Variants in TMEM107 observed in about 807,000 individuals in gnomAD.
The protein encoded by TMEM107 is transmembrane protein 107.
Under a neutral mutation model 16.8 loss-of-function variants are expected in TMEM107, and 18 were observed. That is an observed-to-expected ratio of 1.07 (90% CI 0.74 to 1.59). TMEM107 has a LOEUF of 1.59. Among genes scored for constraint, TMEM107 ranks in the 40% most tolerant of loss-of-function variants. The pLI is 0.00. For synonymous variants in TMEM107, 68 were observed against 71.6 expected, an observed-to-expected ratio of 0.95 and a Z score of 0.25; for missense variants, 152 against 175.4, an observed-to-expected ratio of 0.87 and a Z score of 0.75.
Position 8,173,181 on chromosome 17 carries a change from A to C in TMEM107, c.*1022T>G, listed in dbSNP as rs977336042. The C allele has an allele frequency of 7.1e-5, 26 of 368,410 alleles. No homozygotes were observed. The highest frequency in any genetic ancestry group is 2.9e-4 in the African/African-American group (14 of 48,030). The allele number at this position is 368,410 out of a possible 1,614,324, so 22.8% of individuals were successfully genotyped here. A position where few individuals can be genotyped will look rare whatever the true frequency, so the allele number is the denominator to read the frequency against. ...GACTGCAGATATTTACTGATGTGCA[A>C]TGTTTCCTGAGAAGTGAGGATTAAA... On this transcript the variant is annotated 3_prime_UTR_variant, in exon 5 of 5. Transcript: ENST00000437139.
intron 3 of TMEM107, 84 bp from the exon 4 acceptor site, chr17:8,174,700 T>C: frequency 8.5e-7 from 1 of 1,177,658 alleles, no homozygotes; most frequent in Non-Finnish European, 1.3e-6. Context: ...GGCTGGCATC[T>C]GCATTCAGGT....
In TMEM107 at chr17:8,176,160, A is replaced by G. The variant is rs751786113; in HGVS notation, c.87+40T>C. 9 of 1,606,432 alleles carry G rather than the reference A, an allele frequency of 5.6e-6. No homozygotes were observed. In the African/African-American group the frequency reaches 9.4e-5, roughly 17 times the overall value. ...AGGGTAGGACTAGGACCACTCAGAG[A>G]TGGGAATGGGGACGGATTGAGTGCA... On this transcript the variant is annotated intron_variant, in intron 1 of 4. Coordinates refer to ENST00000437139, the MANE Select transcript of TMEM107 (RefSeq NM_183065.4).
rs377665716 is a variant in TMEM107, at chr17:8,173,440, G to C, written c.*763C>G. ...TAATCAGCATAACACAAATGTAAGT[G>C]ATCGTCAGAAAGAATCAGACAGGAG... On this transcript the variant is annotated 3_prime_UTR_variant, in exon 5 of 5. Transcript: ENST00000437139. 15 of 761,194 alleles carry C rather than the reference G, an allele frequency of 2.0e-5. No homozygotes were observed. Among genetic ancestry groups the C allele is most frequent in the Admixed American group, 3.4e-5 (2 of 58,822 alleles). The allele number at this position is 761,194 out of a possible 1,614,324, so 47.2% of individuals were successfully genotyped here.
Position 8,175,716 on chromosome 17 carries a change from A to T in TMEM107, c.256+41T>A. ...AGGTGGCTGAAGGGAGTCCTGATAG[A>T]AGTGGGTCGTGTGGGAAAGGTGGGC... On this transcript the variant is annotated intron_variant, in intron 3 of 4. Coordinates refer to ENST00000437139, the MANE Select transcript of TMEM107 (RefSeq NM_183065.4). 5 of 1,534,318 alleles carry T rather than the reference A, an allele frequency of 3.3e-6. No individual in the cohort carries two copies. The South Asian group carries it at 3.4e-5, about 10-fold the overall frequency.
intron 3 of TMEM107, 56 bp downstream of exon 3, chr17:8,175,701 A>T: frequency 7.2e-7 from 1 of 1,392,614 alleles, no homozygotes; most frequent in Non-Finnish European, 1.0e-6. Flanking sequence ...AGGTGGCTGA[A>T]GGGAGTCCTG....
In TMEM107 at chr17:8,173,660, G is replaced by A. The variant is rs2151870219; in HGVS notation, c.*543C>T. 2.9e-6 allele frequency: 2 copies of A among 698,486 alleles called. No homozygotes were observed. Among genetic ancestry groups the A allele is most frequent in the East Asian group, 2.5e-5 (1 of 39,510 alleles). The allele number at this position is 698,486 out of a possible 1,614,324, so 43.3% of individuals were successfully genotyped here. On this transcript the variant is annotated 3_prime_UTR_variant, in exon 5 of 5. Transcript: ENST00000437139. ...ACAAGCTAGGGTGAGTTCATAACGC[G>A]CTGGTATGAGCAATCCTATTATTTA...
In TMEM107 at chr17:8,173,732, AT is replaced by A. The variant is rs200315277; in HGVS notation, c.*470del. 1.3e-4 allele frequency: 72 copies of A among 547,166 alleles called. No homozygotes were observed. The highest frequency in any genetic ancestry group is 8.5e-4 in the South Asian group (35 of 41,242). The allele number at this position is 547,166 out of a possible 1,614,324, so 33.9% of individuals were successfully genotyped here. On this transcript the variant is annotated 3_prime_UTR_variant, in exon 5 of 5. Transcript: ENST00000437139. ...CATATTAGCTCGCACATTTTTTTAA[AT>A]TTTTTTTTCATTCGGCTGCCGAAAA...
In TMEM107 at chr17:8,173,402, T is replaced by G. The variant is rs201709130; in HGVS notation, c.*801A>C. On this transcript the variant is annotated 3_prime_UTR_variant, in exon 5 of 5. Transcript: ENST00000437139. ...CCAGTCAGAACTTCATAGCTATGTT[T>G]GTGGATATCTGCTAATCAGCATAAC... 4.0e-5 allele frequency: 29 copies of G among 723,748 alleles called. No individual in the cohort carries two copies. Among genetic ancestry groups the G allele is most frequent in the Admixed American group, 7.2e-5 (4 of 55,810 alleles). The allele number at this position is 723,748 out of a possible 1,614,324, so 44.8% of individuals were successfully genotyped here.
Position 8,172,877 on chromosome 17 carries a change from C to A in TMEM107, c.*1326G>T, listed in dbSNP as rs9893475. Among the ~76,000 whole-genome samples the A allele has an allele frequency of 0.42, 42,707 of 102,104 alleles. 9,994 individuals are homozygous for A. The highest frequency in any genetic ancestry group is 0.54 in the Non-Finnish European group (28,188 of 52,654). 67.0% of individuals were successfully genotyped at this position (102,104 alleles called of 152,430 possible). On this transcript the variant is annotated 3_prime_UTR_variant, in exon 5 of 5. Transcript: ENST00000437139. ...TCTCAAAAAAAAAAAAAAAAAAAAC[C>A]AAAAGAGGGGGGTGGTCAACATACC... is the stretch of plus-strand genomic sequence containing the variant.
rs1279145285 is a variant in TMEM107, at chr17:8,173,377, CCAGTCAGAACTTCA to C, written c.*812_*825del. 1.5e-5 allele frequency: 10 copies of C among 667,942 alleles called. No homozygotes were observed. Among genetic ancestry groups the C allele is most frequent in the Non-Finnish European group, 2.8e-5 (10 of 361,072 alleles). 41.4% of individuals were successfully genotyped at this position (667,942 alleles called of 1,614,324 possible). A position where few individuals can be genotyped will look rare whatever the true frequency, so the allele number is the denominator to read the frequency against. ...AAAATAGACAAACAGCAAGGTTATC[CCAGTCAGAACTTCA>C]TAGCTATGTTTGTGGATATCTGCTA... is the stretch of plus-strand genomic sequence containing the variant. On this transcript the variant is annotated 3_prime_UTR_variant, in exon 5 of 5. Coordinates refer to ENST00000437139, the MANE Select transcript of TMEM107 (RefSeq NM_183065.4).
chr17:8,174,239 G>A lies in TMEM107; in HGVS notation c.387C>T (p.Phe129=). 2.5e-6 allele frequency: 4 copies of A among 1,614,150 alleles called. No individual in the cohort carries two copies. Among genetic ancestry groups the A allele is most frequent in the Non-Finnish European group, 2.5e-6 (3 of 1,180,018 alleles). ...ALPAVTEMAL[F]VTVFGLKKKP... The stretch of plus-strand genomic sequence containing the variant: ...TCTTTTTCAGCCCAAAGACGGTGAC[G>A]AATAAAGCCATTTCAGTGACAGCTG... The change falls in exon 5 of 5, where the codon TTC becomes TTT. Residue 129 remains phenylalanine, a synonymous_variant. Coordinates refer to ENST00000437139, the MANE Select transcript of TMEM107 (RefSeq NM_183065.4).
intron 3 of TMEM107, 37 bp from the exon 4 acceptor site, chr17:8,174,653 C>T: frequency 2.5e-6 from 4 of 1,587,044 alleles, no homozygotes; most frequent in Non-Finnish European, 3.5e-6. Context: ...GTCTTTGGAT[C>T]GACAGACAGT....
In TMEM107 at chr17:8,172,874, AAC is replaced by A. The variant is rs1491079289; in HGVS notation, c.*1327_*1328del. On this transcript the variant is annotated 3_prime_UTR_variant, in exon 5 of 5. Coordinates refer to ENST00000437139, the MANE Select transcript of TMEM107 (RefSeq NM_183065.4). ...CTGTCTCAAAAAAAAAAAAAAAAAAAACCAAAAGAGGGGGGTGGTCAACATAC... is the reference window on the plus strand; with the variant it reads ...CTGTCTCAAAAAAAAAAAAAAAAAAACAAAAGAGGGGGGTGGTCAACATAC... Among the ~76,000 whole-genome samples the A allele has an allele frequency of 2.7e-5, 4 of 148,704 alleles. No homozygotes were observed. Among genetic ancestry groups the A allele is most frequent in the African/African-American group, 7.4e-5 (3 of 40,530 alleles).
rs1217932158 is a variant in TMEM107 at position 8,176,335 on chromosome 17, C to T, written c.-49G>A. On this transcript the variant is annotated 5_prime_UTR_variant, in exon 1 of 5. Transcript: ENST00000437139. ...GTCTCTGAGGCTGGAAGTTCAGAGA[C>T]AGCGACTCCTGAAGTCTCCCCGCAA... 1.3e-5 allele frequency: 19 copies of T among 1,495,990 alleles called. No homozygotes were observed. Among genetic ancestry groups the T allele is most frequent in the Non-Finnish European group, 1.8e-5 (19 of 1,084,854 alleles). 92.7% of individuals were successfully genotyped at this position (1,495,990 alleles called of 1,614,324 possible).
rs141568482 is a variant in TMEM107 at position 8,173,483 on chromosome 17, G to T, written c.*720C>A. On this transcript the variant is annotated 3_prime_UTR_variant, in exon 5 of 5. Transcript: ENST00000437139. ...GACAGGAGCAATCAGGGTGTTGCAAGTCCTGATTACGCAGAGACGTTAATC... is the reference window on the plus strand; with the variant it reads ...GACAGGAGCAATCAGGGTGTTGCAATTCCTGATTACGCAGAGACGTTAATC... 20 of 764,858 alleles carry T rather than the reference G, an allele frequency of 2.6e-5. No individual in the cohort carries two copies. Among genetic ancestry groups the T allele is most frequent in the Admixed American group, 5.1e-5 (3 of 58,986 alleles). The allele number at this position is 764,858 out of a possible 1,614,324, so 47.4% of individuals were successfully genotyped here. A position where few individuals can be genotyped will look rare whatever the true frequency, so the allele number is the denominator to read the frequency against.
At position 8,174,552 on chromosome 17, in the gene TMEM107, G is replaced by A. The variant is rs2151449303; in HGVS notation, c.321C>T (p.Cys107=). 1 of 1,614,116 alleles carries A rather than the reference G, an allele frequency of 6.2e-7. No individual in the cohort carries two copies. Among genetic ancestry groups the A allele is most frequent in the Non-Finnish European group, 8.5e-7 (1 of 1,180,024 alleles). The change falls in exon 4 of 5, where the codon TGC becomes TGT. Residue 107 remains cysteine, a synonymous_variant. Transcript: ENST00000437139. ...LSFFIFERWE[C]TTYWYIFVFC... ...AGACAAAAATGTACCAATACGTAGT[G>A]CACTCCCAACGCTCGAATATGAAGA...
At position 8,176,349 on chromosome 17, in the gene TMEM107, GTC is replaced by G. The variant is rs1984145994; in HGVS notation, c.-65_-64del. The stretch of plus-strand genomic sequence containing the variant: ...AAGTTCAGAGACAGCGACTCCTGAA[GTC>G]TCCCCGCAAGCCGACAAATCTAGAC... On this transcript the variant is annotated 5_prime_UTR_variant, in exon 1 of 5. Coordinates refer to ENST00000437139, the MANE Select transcript of TMEM107 (RefSeq NM_183065.4). 4.4e-6 allele frequency: 6 copies of G among 1,377,550 alleles called. No individual in the cohort carries two copies. Among genetic ancestry groups the G allele is most frequent in the Admixed American group, 4.1e-5 (2 of 48,636 alleles). 85.3% of individuals were successfully genotyped at this position (1,377,550 alleles called of 1,614,324 possible).
Position 8,175,828 on chromosome 17 carries a change from C to A in TMEM107, c.185G>T (p.Gly62Val), listed in dbSNP as rs780895688. Reference protein sequence around the residue: ...QLVAALSVTLGLFAVELAGFL... With the variant: ...QLVAALSVTLVLFAVELAGFL... ...ACCGGCCAGCTCCACTGCAAAGAGGCCCAGGGTGACAGAGAGCGCGGCCAC... is the reference window on the plus strand; with the variant it reads ...ACCGGCCAGCTCCACTGCAAAGAGGACCAGGGTGACAGAGAGCGCGGCCAC... The change falls in exon 3 of 5, where the codon GGC (glycine) becomes GTC (valine). Residue 62 changes from glycine (G) to valine (V), a missense_variant. Transcript: ENST00000437139. 1.9e-6 allele frequency: 3 copies of A among 1,614,136 alleles called. No homozygotes were observed. The South Asian group carries it at 3.3e-5, about 18-fold the overall frequency.
rs146111563 is a variant in TMEM107 at position 8,175,074 on chromosome 17, T to C, written c.257-458A>G. 532 of 184,538 alleles carry C rather than the reference T, an allele frequency of 2.9e-3. 1 individual carries two copies. Among genetic ancestry groups the C allele is most frequent in the Admixed American group, 5.4e-3 (101 of 18,548 alleles). 11.4% of individuals were successfully genotyped at this position (184,538 alleles called of 1,614,324 possible). A position where few individuals can be genotyped will look rare whatever the true frequency, so the allele number is the denominator to read the frequency against. On this transcript the variant is annotated intron_variant, in intron 3 of 4. Coordinates refer to ENST00000437139, the MANE Select transcript of TMEM107 (RefSeq NM_183065.4). ...AGTTCCCATTGTGCTTTATATCTTT[T>C]GTTTGTTTTTTGACAGAGTCTTGCT...
Sources: gnomAD v4.1 joint callset for allele counts (sites outside exome capture counted in the v4.1 genomes callset) on GRCh38, gnomAD v4.1.1 for gene constraint, MANE v1.5 for transcripts, NCBI Gene and HGNC (gene_info 2026-07-23, HGNC 2026-07-21) for gene names.